Variants in SEPTIN9 observed in about 807,000 individuals in gnomAD.
SEPTIN9 encodes septin-9.
In SEPTIN9, 13 loss-of-function variants were observed where a neutral mutation model predicts 56.6. The ratio of observed to expected loss-of-function variants is 0.23; its 90% CI spans 0.15 to 0.37. SEPTIN9 has a LOEUF of 0.37. SEPTIN9 is among the 10% of genes least tolerant of loss of function. SEPTIN9 has a pLI of 1.00. For missense variants in SEPTIN9, 650 were observed against 823.1 expected, an observed-to-expected ratio of 0.79 and a Z score of 2.57; for synonymous variants, 332 against 334.1, an observed-to-expected ratio of 0.99 and a Z score of 0.07.
At chr17:77,325,801 T>A (rs1162783030) in intron 2 of SEPTIN9, among the ~76,000 whole-genome samples, 1 of 152,138 alleles carries the variant, frequency 6.6e-6, no homozygotes, top group Non-Finnish European at 1.5e-5. Flanking sequence ...GGGCCACCCC[T>A]CATGATCTGG....
chr17:77,343,043 A>ATCTATCT (rs879703063), intron 2 of SEPTIN9, among the ~76,000 whole-genome samples: 2 of 149,212 alleles, frequency 1.3e-5, no homozygotes, highest in African/African-American at 4.9e-5. Context: ...CTATCTATCT[A>ATCTATCT]GTCTCTGTCC....
chr17:77,401,925 T>A, intron 2 of SEPTIN9, 134 bp from the exon 3 acceptor site: 1 of 834,642 alleles, frequency 1.2e-6, no homozygotes, highest in Admixed American at 2.8e-5. Flanking sequence ...TGCTGAGACA[T>A]GAAGGACGGG....
intron 2 of SEPTIN9, among the ~76,000 whole-genome samples, chr17:77,399,733 A>C (rs117734335): frequency 1.3e-5 from 2 of 152,136 alleles, no homozygotes; most frequent in Admixed American, 6.5e-5. Context: ...GTAGAAGTGG[A>C]CATTCAACCT....
chr17:77,338,746 A>G (rs1411021211), intron 2 of SEPTIN9, among the ~76,000 whole-genome samples: 3 of 152,174 alleles, frequency 2.0e-5, no homozygotes, highest in Non-Finnish European at 4.4e-5. Flanking sequence ...AGTTTTTGAC[A>G]TGGGTTGACT....
At chr17:77,363,088 C>A (rs528649658) in intron 2 of SEPTIN9, among the ~76,000 whole-genome samples, 1 of 152,302 alleles carries the variant, frequency 6.6e-6, no homozygotes, top group East Asian at 1.9e-4. Flanking sequence ...TTGCTGAGCT[C>A]CACTCTGTAT....
intron 4 of SEPTIN9, 89 bp downstream of exon 4, chr17:77,482,424 C>G: frequency 1.5e-6 from 2 of 1,349,914 alleles, no homozygotes; most frequent in South Asian, 2.4e-5. Flanking sequence ...GCTTGGTCTT[C>G]CCTTCTGTAA....
At chr17:77,353,605 T>C (rs2034128558) in intron 2 of SEPTIN9, among the ~76,000 whole-genome samples, 1 of 152,054 alleles carries the variant, frequency 6.6e-6, no homozygotes, top group Non-Finnish European at 1.5e-5. Flanking sequence ...AATTTCAGAA[T>C]GTAATGTTAT....
intron 2 of SEPTIN9, among the ~76,000 whole-genome samples, chr17:77,349,315 C>T (rs1352061120): frequency 6.6e-6 from 1 of 152,098 alleles, no homozygotes; most frequent in Admixed American, 6.6e-5. Flanking sequence ...TGGGATTTCA[C>T]CATGATGGCC....
intron 3 of SEPTIN9, among the ~76,000 whole-genome samples, chr17:77,414,706 T>C (rs1306994120): frequency 2.0e-5 from 3 of 151,392 alleles, no homozygotes; most frequent in African/African-American, 7.3e-5. Flanking sequence ...GCCTCCCGAG[T>C]AGCTGAGACT....
intron 3 of SEPTIN9, among the ~76,000 whole-genome samples, chr17:77,411,085 G>A (rs62077373): frequency 2.2e-4 from 32 of 146,112 alleles, no homozygotes; most frequent in Non-Finnish European, 7.4e-5. Flanking sequence ...ACTCCCATCT[G>A]GGAAAAAAAA....
intron 4 of SEPTIN9, among the ~76,000 whole-genome samples, chr17:77,486,191 C>T (rs540337479): frequency 6.6e-6 from 1 of 152,260 alleles, no homozygotes; most frequent in East Asian, 1.9e-4. Context: ...CAGCCTCGCA[C>T]TCCTGGGCTT....
intron 2 of SEPTIN9, among the ~76,000 whole-genome samples, chr17:77,399,012 A>G (rs979348190): frequency 3.9e-5 from 6 of 152,178 alleles, no homozygotes; most frequent in Non-Finnish European, 8.8e-5. Context: ...ACACATGTGC[A>G]TTTTGCGCAG....
rs546339887 is a variant in SEPTIN9 at position 77,498,595 on chromosome 17, C to A, written c.1698C>A (p.Asn566Lys). 9 of 1,609,028 alleles carry A rather than the reference C, an allele frequency of 5.6e-6. No individual in the cohort carries two copies. Among genetic ancestry groups the A allele is most frequent in the Non-Finnish European group, 7.6e-6 (9 of 1,178,334 alleles). ...AGGCGTACCGTGTGAAGCGCCTCAA[C>A]GAGGGCAGCAGCGCCATGGCCAACG... The part of the protein sequence containing the change: ...HFEAYRVKRL[N>K]EGSSAMANGM... Residue 566 changes from asparagine (N) to lysine (K), a missense_variant, in exon 12 of 12, where the codon AAC becomes AAA. Around this residue, in one of 2 missense-constraint regions of SEPTIN9, gnomAD observed 333 missense variants for 494.0 expected, o/e 0.67. Coordinates refer to ENST00000427177, the MANE Select transcript of SEPTIN9 (RefSeq NM_001113491.2).
chr17:77,406,652 GT>G (rs374262498), intron 3 of SEPTIN9, among the ~76,000 whole-genome samples: 1 of 148,674 alleles, frequency 6.7e-6, no homozygotes, highest in African/African-American at 2.5e-5. Context: ...TGTTGTCTTT[GT>G]TTTTTTTTGT....
At chr17:77,308,898 G>A (rs1208425855) in intron 2 of SEPTIN9, among the ~76,000 whole-genome samples, 1 of 152,232 alleles carries the variant, frequency 6.6e-6, no homozygotes, top group African/African-American at 2.4e-5. Flanking sequence ...GTACAGGATG[G>A]GACTGTATGT....
chr17:77,471,958 A>G (rs2039015164), intron 3 of SEPTIN9, among the ~76,000 whole-genome samples: 1 of 150,994 alleles, frequency 6.6e-6, no homozygotes, highest in Non-Finnish European at 1.5e-5. Flanking sequence ...ACAGAATATA[A>G]AATAGCCCCC....
intron 3 of SEPTIN9, among the ~76,000 whole-genome samples, chr17:77,479,514 A>C (rs2039362112): frequency 6.6e-6 from 1 of 152,246 alleles, no homozygotes; most frequent in Admixed American, 6.5e-5. Flanking sequence ...CCTGTGCAGA[A>C]GGCAAGCCAC....
intron 11 of SEPTIN9, 56 bp from the exon 12 acceptor site, chr17:77,498,467 C>CT: frequency 1.2e-6 from 1 of 824,182 alleles, no homozygotes; most frequent in East Asian, 2.9e-5. Flanking sequence ...CCCTGCCCCG[C>CT]TGCCCCCACC....
At position 77,371,282 on chromosome 17, in the gene SEPTIN9, T is replaced by C. The variant is rs2034712857; in HGVS notation, c.77-30777T>C. ...CTTTCTGGCTGCTCTCCTGCCATTG[T>C]CCCTTGGGTTCCCATTTTGGTGAGG... On this transcript the variant is annotated intron_variant, in intron 2 of 11. Coordinates refer to ENST00000427177, the MANE Select transcript of SEPTIN9 (RefSeq NM_001113491.2). This position sits in a 1 kb window ranked among gnomAD's most constrained non-coding sequence, Gnocchi z 4.1. Among the ~76,000 whole-genome samples, 1 of 152,214 alleles carries C rather than the reference T, an allele frequency of 6.6e-6. No individual in the cohort carries two copies. Among genetic ancestry groups the C allele is most frequent in the African/African-American group, 2.4e-5 (1 of 41,450 alleles).
Sources: gnomAD v4.1 joint callset for allele counts (sites outside exome capture counted in the v4.1 genomes callset) on GRCh38, gnomAD v4.1.1 for gene constraint, gnomAD v4.1.1 regional missense constraint, Gnocchi (gnomAD v3.1) non-coding constraint, MANE v1.5 for transcripts, NCBI Gene and HGNC (gene_info 2026-07-23, HGNC 2026-07-21) for gene names.